NRXN3: variants seen among roughly 807,000 people sequenced by gnomAD.
The protein encoded by NRXN3 is neurexin III.
A neutral mutation model predicts 137.6 loss-of-function variants in NRXN3; 32 were observed. That is an observed-to-expected ratio of 0.23 (90% CI 0.18 to 0.31). NRXN3 has a LOEUF of 0.31. Among genes scored for constraint, NRXN3 ranks in the 10% least tolerant of loss-of-function variants. NRXN3 has a pLI of 1.00. For missense variants in NRXN3, 1,574 were observed against 2,062.5 expected, an observed-to-expected ratio of 0.76 and a Z score of 4.59; for synonymous variants, 798 against 784.5, an observed-to-expected ratio of 1.02 and a Z score of -0.29.
intron 8 of NRXN3, among the ~76,000 whole-genome samples, chr14:78,799,469 G>C (rs932342618): frequency 6.6e-6 from 1 of 152,166 alleles, no homozygotes; most frequent in Non-Finnish European, 1.5e-5. Flanking sequence ...CAGGTCTCTA[G>C]GAAGTTCCAA....
intron 15 of NRXN3, among the ~76,000 whole-genome samples, chr14:79,050,147 A>G (rs1239448593): frequency 6.6e-6 from 1 of 152,158 alleles, no homozygotes; most frequent in African/African-American, 2.4e-5. Context: ...CCCTTCATCT[A>G]TGGGATTCTG....
At chr14:78,800,946 C>T (rs551754875) in intron 8 of NRXN3, among the ~76,000 whole-genome samples, 6 of 152,270 alleles carry the variant, frequency 3.9e-5, no homozygotes, top group Admixed American at 2.0e-4. Context: ...GATTTTATTC[C>T]GGTCTCAAAC....
intron 15 of NRXN3, among the ~76,000 whole-genome samples, chr14:79,245,210 G>A (rs182198141): frequency 1.4e-3 from 216 of 152,270 alleles, no homozygotes; most frequent in Non-Finnish European, 2.3e-3. Flanking sequence ...TCTAGTTCCA[G>A]CACTGCTGCC....
chr14:79,453,570 C>T (rs543625906), intron 15 of NRXN3, among the ~76,000 whole-genome samples: 3 of 152,222 alleles, frequency 2.0e-5, no homozygotes, highest in Non-Finnish European at 4.4e-5. Flanking sequence ...AATAGCTGAG[C>T]AAAATCTGAG....
intron 10 of NRXN3, among the ~76,000 whole-genome samples, chr14:78,819,423 C>T (rs543125646): frequency 2.0e-5 from 3 of 152,114 alleles, no homozygotes; most frequent in Admixed American, 1.3e-4. Context: ...ATAGCATGTA[C>T]ATTGTGTTAA....
rs192282065 is a variant in NRXN3 at position 79,565,339 on chromosome 14, A to C, written c.3444+97937A>C. Among the ~76,000 whole-genome samples, 227 of 138,710 alleles carry C rather than the reference A, an allele frequency of 1.6e-3. 1 individual carries two copies. The highest frequency in any genetic ancestry group is 6.2e-3 in the African/African-American group (215 of 34,642). 91.0% of individuals were successfully genotyped at this position (138,710 alleles called of 152,430 possible). A position where few individuals can be genotyped will look rare whatever the true frequency, so the allele number is the denominator to read the frequency against. ...CACATGTGTGTGTATATATATATAC[A>C]TATGTGTGCGTATATGTATACACAC... On this transcript the variant is annotated intron_variant, in intron 16 of 20. Transcript: ENST00000335750.
At chr14:79,069,840 G>A (rs375772883) in intron 15 of NRXN3, among the ~76,000 whole-genome samples, 5 of 152,222 alleles carry the variant, frequency 3.3e-5, no homozygotes, top group African/African-American at 1.2e-4. Flanking sequence ...TCATAAGACA[G>A]TGATTCTAGG....
At chr14:79,337,819 C>T (rs970733172) in intron 15 of NRXN3, among the ~76,000 whole-genome samples, 1 of 152,098 alleles carries the variant, frequency 6.6e-6, no homozygotes, top group African/African-American at 2.4e-5. Flanking sequence ...AATGTAGGCT[C>T]TTGAGGTCAG....
chr14:78,450,002 G>A (rs6574445), intron 4 of NRXN3, among the ~76,000 whole-genome samples: 19,668 of 152,116 alleles, frequency 0.13, 1,942 homozygotes, highest in African/African-American at 0.27. Context: ...TTAAGCACAC[G>A]TCAATCAGCA....
intron 4 of NRXN3, among the ~76,000 whole-genome samples, chr14:78,342,095 C>A (rs981231070): frequency 2.6e-5 from 4 of 152,134 alleles, no homozygotes; most frequent in African/African-American, 9.7e-5. Context: ...TGCAGGATTT[C>A]CTGAAATGTG....
chr14:78,934,276 T>A (rs2099329580), intron 10 of NRXN3, among the ~76,000 whole-genome samples: 1 of 152,178 alleles, frequency 6.6e-6, no homozygotes, highest in Admixed American at 6.5e-5. Context: ...TCTTATTCTT[T>A]AAAGGCCATG....
At chr14:78,750,642 T>A (rs1022984359) in intron 8 of NRXN3, among the ~76,000 whole-genome samples, 2 of 152,294 alleles carry the variant, frequency 1.3e-5, no homozygotes, top group Non-Finnish European at 2.9e-5. Flanking sequence ...ACCATACCAA[T>A]GAACAACATG....
At position 78,375,748 on chromosome 14, in the gene NRXN3, G is replaced by A. The variant is rs144264717; in HGVS notation, c.757+77888G>A. 6.6e-5 allele frequency among the ~76,000 whole-genome samples: 10 copies of A among 152,274 alleles called. No homozygotes were observed. In the East Asian group the frequency reaches 1.9e-3, roughly 29 times the overall value. ...TTAGGGAAGATCTTTCCAAGTAAGTGGCATTTTATCTGAAATCTGAGTGCA... is the reference window on the plus strand; with the variant it reads ...TTAGGGAAGATCTTTCCAAGTAAGTAGCATTTTATCTGAAATCTGAGTGCA... On this transcript the variant is annotated intron_variant, in intron 4 of 20. Coordinates refer to ENST00000335750, the MANE Select transcript of NRXN3 (RefSeq NM_001330195.2).
intron 15 of NRXN3, among the ~76,000 whole-genome samples, chr14:79,114,929 A>C (rs969176219): frequency 6.6e-6 from 1 of 152,114 alleles, no homozygotes; most frequent in African/African-American, 2.4e-5. Context: ...AATGACTCCC[A>C]GAGGTATTAT....
intron 4 of NRXN3, 118 bp from the exon 5 acceptor site, chr14:78,645,002 T>G: frequency 1.2e-6 from 1 of 813,994 alleles, no homozygotes; most frequent in Non-Finnish European, 1.9e-6. Flanking sequence ...GGGAGTGCTG[T>G]GTTGGTATCA....
intron 20 of NRXN3, among the ~76,000 whole-genome samples, chr14:79,822,463 C>T (rs1426690629): frequency 6.6e-6 from 1 of 151,988 alleles, no homozygotes; most frequent in Non-Finnish European, 1.5e-5. Context: ...TCTTAATCAG[C>T]AAAATAAAGG....
chr14:79,378,594 A>G (rs886255324), intron 15 of NRXN3, among the ~76,000 whole-genome samples: 2 of 152,172 alleles, frequency 1.3e-5, no homozygotes, highest in Admixed American at 6.5e-5. Flanking sequence ...GGTGCATACC[A>G]TGGTGTGTTG....
intron 17 of NRXN3, among the ~76,000 whole-genome samples, chr14:79,666,886 GTATT>G (rs978870422): frequency 1.3e-5 from 2 of 151,956 alleles, no homozygotes; most frequent in African/African-American, 4.8e-5. Flanking sequence ...AGAATAGTGA[GTATT>G]TAAAGGAGCT....
intron 15 of NRXN3, among the ~76,000 whole-genome samples, chr14:79,010,341 A>G (rs949081311): frequency 6.6e-6 from 1 of 152,132 alleles, no homozygotes; most frequent in Non-Finnish European, 1.5e-5. Context: ...CAACCATCCA[A>G]CCACCAGTCT....
Sources: gnomAD v4.1 joint callset for allele counts (sites outside exome capture counted in the v4.1 genomes callset) on GRCh38, gnomAD v4.1.1 for gene constraint, MANE v1.5 for transcripts, NCBI Gene and HGNC (gene_info 2026-07-23, HGNC 2026-07-21) for gene names.